The following CSMD1 variants were observed in gnomAD, a reference collection of about 807,000 sequenced individuals.
CSMD1 encodes CUB and Sushi multiple domains 1, also known as CUB and sushi domain-containing protein 1.
Under a neutral mutation model 417.5 loss-of-function variants are expected in CSMD1, and 213 were observed. The ratio of observed to expected loss-of-function variants is 0.51; its 90% CI spans 0.46 to 0.57. CSMD1 has a LOEUF of 0.57. Among genes scored for constraint, CSMD1 ranks in the 20% least tolerant of loss-of-function variants. The pLI is 0.00. For synonymous variants in CSMD1, 2,862 were observed against 1,736.8 expected (o/e 1.65, Z -16.11); for missense variants, 6,923 against 4,529.7 (o/e 1.53, Z -15.17).
intron 5 of CSMD1, among the ~76,000 whole-genome samples, chr8:3,864,493 G>C (rs1235782601): frequency 6.6e-6 from 1 of 152,170 alleles, no homozygotes; most frequent in Non-Finnish European, 1.5e-5. Context: ...TATACTTTAA[G>C]TTTTAGGGTA....
chr8:3,693,326 T>C (rs1218362258), intron 7 of CSMD1, among the ~76,000 whole-genome samples: 2 of 152,224 alleles, frequency 1.3e-5, no homozygotes, highest in Non-Finnish European at 2.9e-5. Context: ...TATGATAATT[T>C]TTTTTTCAAT....
chr8:4,300,890 T>C (rs1797947865), intron 3 of CSMD1, among the ~76,000 whole-genome samples: 1 of 152,208 alleles, frequency 6.6e-6, no homozygotes, highest in South Asian at 2.1e-4. Context: ...CTACATAGTA[T>C]TCCATGGTGT....
intron 3 of CSMD1, among the ~76,000 whole-genome samples, chr8:4,391,137 A>G (rs74979700): frequency 0.2 from 30,407 of 152,130 alleles, 3,210 homozygotes; most frequent in Admixed American, 0.32. Context: ...AGGGACCCAG[A>G]TAATGCCTGT....
chr8:4,751,543 C>G (rs1811327848), intron 1 of CSMD1, among the ~76,000 whole-genome samples: 1 of 152,088 alleles, frequency 6.6e-6, no homozygotes, highest in South Asian at 2.1e-4. Context: ...CCCTTTAATT[C>G]CAAGATTTTA....
At chr8:4,326,297 G>C (rs949249026) in intron 3 of CSMD1, among the ~76,000 whole-genome samples, 6 of 152,082 alleles carry the variant, frequency 3.9e-5, no homozygotes, top group African/African-American at 4.8e-5. Context: ...GACATAGCAA[G>C]GACAGCGGAT....
intron 1 of CSMD1, among the ~76,000 whole-genome samples, chr8:4,699,774 G>A (rs565246318): frequency 4.6e-5 from 7 of 152,310 alleles, no homozygotes; most frequent in African/African-American, 1.7e-4. Context: ...TAGTTTGTCA[G>A]GAAAGGATAT....
At chr8:3,062,554 C>T (rs74805122) in intron 49 of CSMD1, among the ~76,000 whole-genome samples, 2,186 of 130,072 alleles carry the variant, frequency 0.017, 19 homozygotes, top group East Asian at 0.039. Flanking sequence ...AAACAAAACA[C>T]ATTAAAAAAA....
At chr8:3,301,264 G>A (rs1305266836) in intron 25 of CSMD1, among the ~76,000 whole-genome samples, 2 of 152,054 alleles carry the variant, frequency 1.3e-5, no homozygotes, top group Admixed American at 6.6e-5. Flanking sequence ...GTGGTCAGTG[G>A]AAACCTGGTG....
intron 1 of CSMD1, among the ~76,000 whole-genome samples, chr8:4,674,358 G>A (rs1805542437): frequency 6.6e-6 from 1 of 152,122 alleles, no homozygotes; most frequent in Non-Finnish European, 1.5e-5. Flanking sequence ...GAAATAGATA[G>A]GTTGATGCCA....
At chr8:3,222,983 T>C (rs78771972) in intron 28 of CSMD1, among the ~76,000 whole-genome samples, 2,950 of 152,294 alleles carry the variant, frequency 0.019, 104 homozygotes, top group African/African-American at 0.066. Flanking sequence ...TCCCAGATAC[T>C]TGTCCTTGGA....
intron 10 of CSMD1, among the ~76,000 whole-genome samples, chr8:3,526,919 G>A (rs1028936984): frequency 7.2e-5 from 11 of 152,092 alleles, no homozygotes; most frequent in African/African-American, 2.4e-4. Context: ...TTCATCTAAT[G>A]GTGTCCAGGG....
At chr8:4,048,284 G>A (rs1798251458) in intron 3 of CSMD1, among the ~76,000 whole-genome samples, 1 of 152,156 alleles carries the variant, frequency 6.6e-6, no homozygotes. Context: ...CACTAATTAT[G>A]AGCATAAGAT....
At chr8:4,844,403 T>A (rs1273838118) in intron 1 of CSMD1, among the ~76,000 whole-genome samples, 1 of 152,282 alleles carries the variant, frequency 6.6e-6, no homozygotes, top group South Asian at 2.1e-4. Context: ...GATCTGAATA[T>A]GGATGCTACA....
intron 12 of CSMD1, among the ~76,000 whole-genome samples, chr8:3,439,281 G>T (rs1452731299): frequency 1.8e-5 from 1 of 54,334 alleles, no homozygotes; most frequent in Non-Finnish European, 3.3e-5. Context: ...GGCAATGTCA[G>T]TATATATATA....
chr8:4,318,549 A>T (rs1160136040), intron 3 of CSMD1, among the ~76,000 whole-genome samples: 1 of 152,180 alleles, frequency 6.6e-6, no homozygotes, highest in Non-Finnish European at 1.5e-5. Context: ...AGTTACGTTA[A>T]CAAGAGCTTT....
intron 7 of CSMD1, among the ~76,000 whole-genome samples, chr8:3,640,680 G>C (rs761034068): frequency 2.0e-5 from 3 of 152,130 alleles, no homozygotes; most frequent in Non-Finnish European, 4.4e-5. Flanking sequence ...TGTTTGATAA[G>C]AAAAAGGAGA....
At chr8:3,291,284 C>T (rs939282964) in intron 25 of CSMD1, among the ~76,000 whole-genome samples, 1 of 152,052 alleles carries the variant, frequency 6.6e-6, no homozygotes, top group African/African-American at 2.4e-5. Flanking sequence ...GTCTAAAATT[C>T]TCTTTTTTTG....
At chr8:3,499,788 G>T (rs1191240486) in intron 10 of CSMD1, among the ~76,000 whole-genome samples, 2 of 152,032 alleles carry the variant, frequency 1.3e-5, no homozygotes, top group African/African-American at 4.8e-5. Context: ...GTGGTGGGAT[G>T]ATGGCTGCGT....
chr8:4,377,982 TCAA>T (rs1253202469), intron 3 of CSMD1, among the ~76,000 whole-genome samples: 5 of 152,212 alleles, frequency 3.3e-5, no homozygotes, highest in East Asian at 1.9e-4. Context: ...TGTAGTGCTG[TCAA>T]CAACATTTAA....
Sources: gnomAD v4.1 joint callset for allele counts (sites outside exome capture counted in the v4.1 genomes callset) on GRCh38, gnomAD v4.1.1 for gene constraint, MANE v1.5 for transcripts, NCBI Gene and HGNC (gene_info 2026-07-23, HGNC 2026-07-21) for gene names.